Variants in TENM2 observed in about 807,000 individuals in gnomAD.
TENM2 encodes teneurin transmembrane protein 2.
TENM2 carries 52 observed loss-of-function variants against 245.2 expected under a neutral mutation model. The observed-to-expected ratio is 0.21, with a 90% CI of 0.17 to 0.27. The LOEUF (loss-of-function observed/expected upper bound fraction) is 0.27, where lower values mean the gene tolerates loss of function less well. TENM2 is among the 10% of genes least tolerant of loss of function. TENM2 has a pLI of 1.00. For synonymous variants in TENM2, 1,363 were observed against 1,438.9 expected, an observed-to-expected ratio of 0.95 and a Z score of 1.19; for missense variants, 3,046 against 3,666.8, an observed-to-expected ratio of 0.83 and a Z score of 4.37.
At position 167,620,222 on chromosome 5, in the gene TENM2, A is replaced by G. The variant is rs187207649; in HGVS notation, c.502+244749A>G. On this transcript the variant is annotated intron_variant, in intron 2 of 28. Transcript: ENST00000518659. ...GCAATTAGGAAAATGTCTCCCTAAT[A>G]ATGGTAATCGGTGTAAACCAAGAGG... 2.1e-3 allele frequency among the ~76,000 whole-genome samples: 316 copies of G among 152,216 alleles called. 1 individual carries two copies. The highest frequency in any genetic ancestry group is 4.8e-3 in the Admixed American group (74 of 15,274).
rs1315978175 is a variant in TENM2, at chr5:167,665,641, T to A, written c.503-210345T>A. On this transcript the variant is annotated intron_variant, in intron 2 of 28. Coordinates refer to ENST00000518659, the Ensembl canonical transcript of TENM2. ...TTACTTGCGGTTCCATTCTGTATTTTACCCTTACATAAATTGACTCTGATA... is the reference window on the plus strand; with the variant it reads ...TTACTTGCGGTTCCATTCTGTATTTAACCCTTACATAAATTGACTCTGATA... Among the ~76,000 whole-genome samples the A allele has an allele frequency of 2.0e-5, 3 of 152,336 alleles. No individual in the cohort carries two copies. The East Asian group carries it at 5.8e-4, about 29-fold the overall frequency.
chr5:167,497,839 C>T (rs961593429), intron 2 of TENM2, among the ~76,000 whole-genome samples: 10 of 152,134 alleles, frequency 6.6e-5, no homozygotes, highest in Non-Finnish European at 1.5e-4. Context: ...TTGTCCCCTC[C>T]GAGAATGAAC....
At chr5:167,559,573 T>TA (rs1327289560) in intron 2 of TENM2, among the ~76,000 whole-genome samples, 2 of 152,284 alleles carry the variant, frequency 1.3e-5, no homozygotes, top group African/African-American at 2.4e-5. Context: ...TTCACTGGAT[T>TA]AAAAAAATCT....
intron 12 of TENM2, among the ~76,000 whole-genome samples, chr5:168,158,031 TTCAGCC>T (rs1757344128): frequency 6.6e-6 from 1 of 152,202 alleles, no homozygotes; most frequent in South Asian, 2.1e-4. Flanking sequence ...CAAATGATTC[TTCAGCC>T]TCAGCCTCCT....
At chr5:168,227,108 A>C (rs1212612312) in intron 24 of TENM2, among the ~76,000 whole-genome samples, 3 of 152,208 alleles carry the variant, frequency 2.0e-5, no homozygotes, top group African/African-American at 7.2e-5. Flanking sequence ...GACATCTCAG[A>C]GGCCAGCCCA....
chr5:167,046,616 A>T, the TENM2 span, among the ~76,000 whole-genome samples: 3 of 152,172 alleles, frequency 2.0e-5, no homozygotes, highest in Non-Finnish European at 2.9e-5. Flanking sequence ...GTCTCCACTT[A>T]CAGTTTTCTC....
chr5:167,125,081 G>T, the TENM2 span, among the ~76,000 whole-genome samples: 1 of 152,128 alleles, frequency 6.6e-6, no homozygotes, highest in African/African-American at 2.4e-5. Flanking sequence ...AGTTCTTTTG[G>T]GTCATATCAG....
At chr5:168,220,682 C>T (rs145104825) in intron 23 of TENM2, among the ~76,000 whole-genome samples, 5 of 152,204 alleles carry the variant, frequency 3.3e-5, no homozygotes, top group African/African-American at 1.2e-4. Flanking sequence ...GGAAGACACA[C>T]AGCCAACTTA....
At chr5:167,584,222 A>G (rs1255116108) in intron 2 of TENM2, among the ~76,000 whole-genome samples, 2 of 152,226 alleles carry the variant, frequency 1.3e-5, no homozygotes, top group Admixed American at 6.5e-5. Context: ...ATTGAGACAA[A>G]AGTGCACTCC....
At chr5:167,804,239 T>C (rs1765987348) in intron 2 of TENM2, among the ~76,000 whole-genome samples, 1 of 152,044 alleles carries the variant, frequency 6.6e-6, no homozygotes, top group Non-Finnish European at 1.5e-5. Context: ...TTTAAATTTA[T>C]TTTTTCTAGT....
At chr5:167,273,795 T>A in the TENM2 span, among the ~76,000 whole-genome samples, 1 of 152,130 alleles carries the variant, frequency 6.6e-6, no homozygotes, top group Admixed American at 6.6e-5. Flanking sequence ...TAATAATTTT[T>A]AAAAAGGGGT....
At chr5:167,108,416 G>A in the TENM2 span, among the ~76,000 whole-genome samples, 32 of 152,256 alleles carry the variant, frequency 2.1e-4, no homozygotes, top group Admixed American at 2.0e-3. Context: ...GTGAGTCACC[G>A]CGCCCGGCCA....
At chr5:167,790,823 A>G (rs760946148) in intron 2 of TENM2, among the ~76,000 whole-genome samples, 3 of 152,150 alleles carry the variant, frequency 2.0e-5, no homozygotes, top group Admixed American at 6.5e-5. Context: ...CAATATTCCT[A>G]TGGGGCAAAC....
At chr5:167,874,581 A>G (rs748863716) in intron 2 of TENM2, among the ~76,000 whole-genome samples, 2 of 152,090 alleles carry the variant, frequency 1.3e-5, no homozygotes, top group African/African-American at 2.4e-5. Context: ...ACACCCCCAG[A>G]TTTAGGACAT....
rs374715132 is a variant in TENM2, at chr5:168,035,100, C to T, written c.1187-12327C>T. Among the ~76,000 whole-genome samples the T allele has an allele frequency of 7.9e-5, 12 of 152,220 alleles. No homozygotes were observed. The South Asian group carries it at 2.5e-3, about 32-fold the overall frequency. ...AGTGCAAAAAAAATCTTTTTACTGT[C>T]TCATTAAAGATTTTTATGTTGATTT... On this transcript the variant is annotated intron_variant, in intron 5 of 28. Transcript: ENST00000518659.
Position 167,350,808 on chromosome 5 carries a change from A to G in TENM2, c.227-24390A>G, listed in dbSNP as rs1241989518. Among the ~76,000 whole-genome samples, 3 of 138,746 alleles carry G rather than the reference A, an allele frequency of 2.2e-5. No homozygotes were observed. In the East Asian group the frequency reaches 6.4e-4, roughly 30 times the overall value. 91.0% of individuals were successfully genotyped at this position (138,746 alleles called of 152,430 possible). ...ATACATATGGATATATATATGGGAT[A>G]TATACATATGGATATATATATGGGA... On this transcript the variant is annotated intron_variant, in intron 1 of 28. Transcript: ENST00000518659.
At chr5:168,202,126 G>C (rs964169647) in intron 17 of TENM2, among the ~76,000 whole-genome samples, 2 of 152,262 alleles carry the variant, frequency 1.3e-5, no homozygotes, top group Admixed American at 6.5e-5. Context: ...GGCCATTAGG[G>C]ATTGCAAAAT....
the TENM2 span, among the ~76,000 whole-genome samples, chr5:167,024,572 A>G: frequency 3.3e-5 from 5 of 152,232 alleles, no homozygotes; most frequent in African/African-American, 1.2e-4. Context: ...TTGGGTTGGG[A>G]GACAGGGGTA....
In TENM2 at chr5:167,611,051, A is replaced by G. The variant is rs192149502; in HGVS notation, c.502+235578A>G. 4.6e-5 allele frequency among the ~76,000 whole-genome samples: 7 copies of G among 152,316 alleles called. No individual in the cohort carries two copies. In the South Asian group the frequency reaches 1.4e-3, roughly 32 times the overall value. ...ATCTTACAGGTAGAAATGGTCATCT[A>G]CTTTGGGCATGCCCACTATAGTAGC... On this transcript the variant is annotated intron_variant, in intron 2 of 28. Coordinates refer to ENST00000518659, the Ensembl canonical transcript of TENM2.
Sources: allele counts gnomAD v4.1 joint callset (sites outside exome capture counted in the v4.1 genomes callset), GRCh38; gene constraint gnomAD v4.1.1; transcripts MANE v1.5; gene names NCBI Gene and HGNC (gene_info 2026-07-23, HGNC 2026-07-21).